The following NIBAN3 variants were observed in gnomAD, a reference collection of about 807,000 sequenced individuals.
The protein encoded by NIBAN3 is niban apoptosis regulator 3.
Under a neutral mutation model 76.4 loss-of-function variants are expected in NIBAN3, and 66 were observed. That is an observed-to-expected ratio of 0.86 (90% CI 0.71 to 1.06). NIBAN3 has a LOEUF of 1.06. Among genes scored for constraint, NIBAN3 ranks in the 50% least tolerant of loss-of-function variants. The pLI is 0.00. For synonymous variants in NIBAN3, 360 were observed against 355.2 expected (o/e 1.01, Z -0.15); for missense variants, 808 against 810.7 (o/e 1.00, Z 0.04).
At chr19:17,530,971 C>T in intron 2 of NIBAN3, 86 bp downstream of exon 2, 1 of 1,445,128 alleles carries the variant, frequency 6.9e-7, no homozygotes, top group Non-Finnish European at 9.3e-7. Context: ...CAACCTCAGA[C>T]CTTTGCCATT....
In NIBAN3 at chr19:17,553,114, T is replaced by G; in HGVS notation, c.*1216T>G. 74 of 723,704 alleles carry G rather than the reference T, an allele frequency of 1.0e-4. No homozygotes were observed. The highest frequency in any genetic ancestry group is 1.3e-4 in the Non-Finnish European group (61 of 481,974). 44.8% of individuals were successfully genotyped at this position (723,704 alleles called of 1,614,324 possible). On this transcript the variant is annotated 3_prime_UTR_variant, in exon 15 of 15. Coordinates refer to ENST00000599164, the MANE Select transcript of NIBAN3 (RefSeq NM_001321827.2). ...CAAATATGTTGATTAGCCATTTACA[T>G]GTTTGTAGTTTTTTTTTTTTTAATT...
chr19:17,528,027 T>G, intron 1 of NIBAN3, among the ~76,000 whole-genome samples: 1 of 151,396 alleles, frequency 6.6e-6, no homozygotes, highest in Non-Finnish European at 1.5e-5. Context: ...GTATCCCAGA[T>G]TTTGCATAGT....
intron 1 of NIBAN3, among the ~76,000 whole-genome samples, chr19:17,527,816 C>T (rs566042955): frequency 2.3e-4 from 35 of 151,560 alleles, no homozygotes; most frequent in Non-Finnish European, 4.6e-4. Context: ...CGCCTCAGCC[C>T]GAATAGCTGG....
At position 17,551,437 on chromosome 19, in the gene NIBAN3, C is replaced by T. The variant is rs182372762; in HGVS notation, c.1751-349C>T. 1.1e-3 allele frequency among the ~76,000 whole-genome samples: 166 copies of T among 151,496 alleles called. 3 individuals carry two copies. The highest frequency in any genetic ancestry group is 3.8e-3 in the African/African-American group (156 of 41,296). On this transcript the variant is annotated intron_variant, in intron 14 of 14. Coordinates refer to ENST00000599164, the MANE Select transcript of NIBAN3 (RefSeq NM_001321827.2). ...ATTTTTATTTTTTGAGATGGAGTTTCGCTCTTGTCACCCGGGCTGGAGTGC... is the reference window on the plus strand; with the variant it reads ...ATTTTTATTTTTTGAGATGGAGTTTTGCTCTTGTCACCCGGGCTGGAGTGC...
chr19:17,539,414 G>C lies in NIBAN3; in HGVS notation c.779G>C (p.Arg260Pro), dbSNP rs1327778488. ...ALRAQTLPGL[R>P]GAGRARAWAW... is the part of the protein sequence containing the mutation. ...CGAGCCCAGACCCTTCCTGGCCTGCGGGGGGCAGGCCGCGCCCGCGCCTGG... is the reference window on the plus strand; with the variant it reads ...CGAGCCCAGACCCTTCCTGGCCTGCCGGGGGCAGGCCGCGCCCGCGCCTGG... Residue 260 changes from arginine (R) to proline (P), a missense_variant, in exon 7 of 15, where the codon CGG (arginine) becomes CCG (proline). Arg to Pro is a moderately radical substitution (Grantham distance 103). Coordinates refer to ENST00000599164, the MANE Select transcript of NIBAN3 (RefSeq NM_001321827.2). The C allele has an allele frequency of 8.5e-6, 13 of 1,523,858 alleles. No individual in the cohort carries two copies. The South Asian group carries it at 1.2e-4, about 14-fold the overall frequency. 94.4% of individuals were successfully genotyped at this position (1,523,858 alleles called of 1,614,324 possible).
At position 17,542,068 on chromosome 19, in the gene NIBAN3, A is replaced by G; in HGVS notation, c.1171-68A>G. 3.8e-6 allele frequency: 6 copies of G among 1,574,312 alleles called. No individual in the cohort carries two copies. The highest frequency in any genetic ancestry group is 5.2e-6 in the Non-Finnish European group (6 of 1,146,144). On this transcript the variant is annotated intron_variant, in intron 9 of 14. Transcript: ENST00000599164. This position sits in a 1 kb window ranked among gnomAD's most constrained non-coding sequence, Gnocchi z 4.8. ...GTGTTTCTCCTTTGGTGAATTGGTA[A>G]TGGGGTCCCTGGCCCTTTGCAATCA...
At chr19:17,546,937 TC>T in intron 13 of NIBAN3, 140 bp downstream of exon 13, 1 of 1,117,920 alleles carries the variant, frequency 8.9e-7, no homozygotes, top group Non-Finnish European at 1.3e-6. Flanking sequence ...CCTGAGGAGG[TC>T]CAGGGTAGAG....
chr19:17,525,335 CTTCATTCA>C (rs71336621), upstream of NIBAN3, among the ~76,000 whole-genome samples: 96 of 150,988 alleles, frequency 6.4e-4, no homozygotes, highest in African/African-American at 1.5e-3. Flanking sequence ...CCGTCCCTCC[CTTCATTCA>C]TTCATTCATT....
chr19:17,540,234 G>A, intron 8 of NIBAN3, 158 bp from the exon 9 acceptor site: 1 of 496,666 alleles, frequency 2.0e-6, no homozygotes, highest in Non-Finnish European at 3.4e-6. Context: ...AATCCTGACT[G>A]GGCCCGCCCC....
At chr19:17,550,696 G>C (rs2076139921) in intron 14 of NIBAN3, among the ~76,000 whole-genome samples, 1 of 151,996 alleles carries the variant, frequency 6.6e-6, no homozygotes, top group African/African-American at 2.4e-5. Context: ...ACAAACATGA[G>C]TGTTAGAATA....
At position 17,532,280 on chromosome 19, in the gene NIBAN3, T is replaced by C. The variant is rs752357483; in HGVS notation, c.204T>C (p.Arg68=). Reference sequence around the variant, plus strand: ...TTCTGCAGAAGCTGCCCCGAGTCCGTGAGCACCGAGGACCCCTGACCCAGC... The same window carrying C: ...TTCTGCAGAAGCTGCCCCGAGTCCGCGAGCACCGAGGACCCCTGACCCAGC... ...LLRSKKLPRV[R]EHRGPLTQLR... is the part of the protein sequence containing the mutation. The change falls in exon 3 of 15, where the codon CGT becomes CGC. Residue 68 remains arginine, a synonymous_variant. Transcript: ENST00000599164. The C allele has an allele frequency of 1.9e-6, 3 of 1,612,458 alleles. No homozygotes were observed. Among genetic ancestry groups the C allele is most frequent in the Non-Finnish European group, 2.5e-6 (3 of 1,179,054 alleles).
At position 17,543,630 on chromosome 19, in the gene NIBAN3, A is replaced by C; in HGVS notation, c.1553A>C (p.Lys518Thr). The stretch of plus-strand genomic sequence containing the variant: ...AGCCAACTCGAGCCAGGCTGCAAAA[A>C]GGTGAGTTAATGGGAAGTGTGCAAG... The part of the protein sequence containing the change: ...VLSQLEPGCK[K>T]ELPEFEGDVL... The change falls in exon 12 of 15, where the codon AAG becomes ACG. Residue 518 changes from lysine to threonine, a missense_variant and splice_region_variant. Coordinates refer to ENST00000599164, the MANE Select transcript of NIBAN3 (RefSeq NM_001321827.2). The C allele has an allele frequency of 1.2e-6, 2 of 1,612,008 alleles. No individual in the cohort carries two copies. The highest frequency in any genetic ancestry group is 1.7e-6 in the Non-Finnish European group (2 of 1,178,780).
At chr19:17,539,295 C>T in intron 6 of NIBAN3, 30 bp downstream of exon 6, 3 of 1,568,086 alleles carry the variant, frequency 1.9e-6, no homozygotes, top group South Asian at 2.3e-5. Context: ...GCACCCGGGA[C>T]CCCCAGGACC....
At chr19:17,533,566 T>A (rs770670280) in intron 3 of NIBAN3, 21 bp from the exon 4 acceptor site, 1 of 1,557,218 alleles carries the variant, frequency 6.4e-7, no homozygotes, top group South Asian at 1.1e-5. Context: ...CCCAGGTTGG[T>A]TCTCTGGGTA....
At chr19:17,530,488 G>A (rs868128836) in intron 1 of NIBAN3, among the ~76,000 whole-genome samples, 2 of 142,310 alleles carry the variant, frequency 1.4e-5, no homozygotes, top group Admixed American at 7.6e-5. Flanking sequence ...AGCTGAGATC[G>A]TGCCACTGCA....
intron 4 of NIBAN3, 29 bp downstream of exon 4, chr19:17,533,730 G>A (rs765331085): frequency 3.7e-5 from 56 of 1,518,282 alleles, no homozygotes; most frequent in Non-Finnish European, 4.9e-5. Flanking sequence ...CCAGGAACAG[G>A]TTTCTCCACC....
In NIBAN3 at chr19:17,546,724, C is replaced by T. The variant is rs143130213; in HGVS notation, c.1593C>T (p.Gly531=). 8 of 1,600,996 alleles carry T rather than the reference C, an allele frequency of 5.0e-6. No individual in the cohort carries two copies. Among genetic ancestry groups the T allele is most frequent in the African/African-American group, 1.3e-5 (1 of 74,586 alleles). The change falls in exon 13 of 15, where the codon GGC becomes GGT. Residue 531 remains glycine, a synonymous_variant. Coordinates refer to ENST00000599164, the MANE Select transcript of NIBAN3 (RefSeq NM_001321827.2). ...PEFEGDVLAV[G]SQALTTEGIY... Reference sequence around the variant, plus strand: ...TCGAGGGGGATGTCCTTGCCGTGGGCAGCCAGGCTCTGACCACTGAGGGCA... The same window carrying T: ...TCGAGGGGGATGTCCTTGCCGTGGGTAGCCAGGCTCTGACCACTGAGGGCA...
Position 17,552,937 on chromosome 19 carries a change from TAA to T in NIBAN3, c.*1041_*1042del, listed in dbSNP as rs2076178222. The T allele has an allele frequency of 6.7e-6, 1 of 149,020 alleles. No homozygotes were observed. Among genetic ancestry groups the T allele is most frequent in the Non-Finnish European group, 1.5e-5 (1 of 67,436 alleles). 9.2% of individuals were successfully genotyped at this position (149,020 alleles called of 1,614,324 possible). On this transcript the variant is annotated 3_prime_UTR_variant, in exon 15 of 15. Coordinates refer to ENST00000599164, the MANE Select transcript of NIBAN3 (RefSeq NM_001321827.2). ...TAAAATAAATAAATAAATAAATAAA[TAA>T]ATAAATAAATAAATAAAATTTAAAA... is the stretch of plus-strand genomic sequence containing the variant.
Position 17,539,398 on chromosome 19 carries a change from A to G in NIBAN3, c.763A>G (p.Thr255Ala), listed in dbSNP as rs747550315. 1.9e-5 allele frequency: 29 copies of G among 1,537,672 alleles called. No individual in the cohort carries two copies. The African/African-American group carries it at 3.9e-4, about 20-fold the overall frequency. Residue 255 changes from threonine to alanine, a missense_variant, in exon 7 of 15, where the codon ACC becomes GCC. Coordinates refer to ENST00000599164, the MANE Select transcript of NIBAN3 (RefSeq NM_001321827.2). ...GCAACTTCCCGCGCTGCGAGCCCAG[A>G]CCCTTCCTGGCCTGCGGGGGGCAGG... is the stretch of plus-strand genomic sequence containing the variant. ...REQLPALRAQ[T>A]LPGLRGAGRA... is the part of the protein sequence containing the mutation.
Sources: allele counts gnomAD v4.1 joint callset (sites outside exome capture counted in the v4.1 genomes callset), GRCh38; gene constraint gnomAD v4.1.1; non-coding constraint Gnocchi (gnomAD v3.1); transcripts MANE v1.5; gene names NCBI Gene and HGNC (gene_info 2026-07-23, HGNC 2026-07-21).